CRTC2: variants seen among roughly 807,000 people sequenced by gnomAD.
CRTC2 encodes the protein CREB-regulated transcription coactivator 2.
CRTC2 carries 25 observed loss-of-function variants against 70.9 expected under a neutral mutation model. That is an observed-to-expected ratio of 0.35 (90% CI 0.26 to 0.49). The LOEUF (loss-of-function observed/expected upper bound fraction) is 0.49. Ranked by LOEUF, CRTC2 falls within the 20% of genes least tolerant of loss-of-function variation. CRTC2 has a pLI of 0.98. For synonymous variants in CRTC2, 330 were observed against 364.1 expected (o/e 0.91, Z 1.07); for missense variants, 737 against 882.6 (o/e 0.83, Z 2.09).
Position 153,958,586 on chromosome 1 carries a change from C to G in CRTC2, c.-89G>C. The G allele has an allele frequency of 7.5e-7, 1 of 1,342,056 alleles. No individual in the cohort carries two copies. The highest frequency in any genetic ancestry group is 1.0e-6 in the Non-Finnish European group (1 of 1,001,362). The allele number at this position is 1,342,056 out of a possible 1,614,324, so 83.1% of individuals were successfully genotyped here. Reference sequence around the variant, plus strand: ...GCCCGGCTCCTCCAGCCGTAGCCACCGCCGCCTCAGCGAGCACCGCGAACC... The same window carrying G: ...GCCCGGCTCCTCCAGCCGTAGCCACGGCCGCCTCAGCGAGCACCGCGAACC... On this transcript the variant is annotated 5_prime_UTR_variant, in exon 1 of 14. Transcript: ENST00000368633.
intron 11 of CRTC2, 107 bp from the exon 12 acceptor site, chr1:153,949,491 T>C: frequency 8.1e-7 from 1 of 1,228,398 alleles, no homozygotes. Flanking sequence ...AAAACAAACA[T>C]GACAACATTC....
chr1:153,952,666 T>C (rs1188862403), intron 7 of CRTC2, 31 bp from the exon 8 acceptor site: 2 of 1,613,226 alleles, frequency 1.2e-6, no homozygotes, highest in Non-Finnish European at 8.5e-7. Flanking sequence ...GATGGGAGAG[T>C]TGGAGAAAGA....
intron 11 of CRTC2, among the ~76,000 whole-genome samples, chr1:153,950,540 G>A (rs1680265702): frequency 6.6e-6 from 1 of 152,156 alleles, no homozygotes; most frequent in Non-Finnish European, 1.5e-5. Flanking sequence ...AAGAAAAGAG[G>A]AGTAGAGATA....
rs780422270 is a variant in CRTC2, at chr1:153,954,930, T to C, written c.315A>G (p.Glu105=). The change falls in exon 3 of 14, where the codon GAA becomes GAG. Residue 105 remains glutamate (E), a synonymous_variant. Transcript: ENST00000368633. ...SRSTRHHGLV[E]RVQRDPRRMV... Reference sequence around the variant, plus strand: ...TTCTTCGAGGATCTCGCTGCACCCGTTCCACCAGCCCATGGTGCCGAGTGC... The same window carrying C: ...TTCTTCGAGGATCTCGCTGCACCCGCTCCACCAGCCCATGGTGCCGAGTGC... 5 of 1,614,086 alleles carry C rather than the reference T, an allele frequency of 3.1e-6. No homozygotes were observed. The highest frequency in any genetic ancestry group is 2.2e-5 in the South Asian group (2 of 91,078).
chr1:153,953,606 C>G lies in CRTC2; in HGVS notation c.435G>C (p.Arg145Ser), dbSNP rs768210472. 6.2e-7 allele frequency: 1 copy of G among 1,606,490 alleles called. No homozygotes were observed. Among genetic ancestry groups the G allele is most frequent in the Non-Finnish European group, 8.5e-7 (1 of 1,177,194 alleles). The change falls in exon 5 of 14, where the codon AGG becomes AGC. Residue 145 changes from arginine (R) to serine (S), a missense_variant and splice_region_variant. Coordinates refer to ENST00000368633, the MANE Select transcript of CRTC2 (RefSeq NM_181715.3). The part of the protein sequence containing the change: ...LSPPPESSWR[R>S]TMAWGNFPAE... ...CAGGGAAATTGCCCCAGGCCATCGT[C>G]CTGGGGTAGAAAAACAAAGTCATGA...
At position 153,954,266 on chromosome 1, in the gene CRTC2, A is replaced by G. The variant is rs767877855; in HGVS notation, c.423T>C (p.Ser141=). The G allele has an allele frequency of 1.2e-6, 2 of 1,612,174 alleles. No individual in the cohort carries two copies. Among genetic ancestry groups the G allele is most frequent in the African/African-American group, 2.7e-5 (2 of 74,894 alleles). ...SPAYLSPPPE[S]SWRRTMAWGN... ...CCCTGGACACTTACCTTCGCCAGCT[A>G]GACTCTGGGGGAGGAGATAAGTAGG... The change falls in exon 4 of 14, where the codon TCT becomes TCC. Residue 141 remains serine, a synonymous_variant. Transcript: ENST00000368633.
Position 153,954,985 on chromosome 1 carries a change from G to A in CRTC2, c.260C>T (p.Pro87Leu), listed in dbSNP as rs745595874. ...IGSGLAEFQS[P>L]LHSPLDSSRS... Reference sequence around the variant, plus strand: ...AGATGAATCCAAAGGTGAGTGGAGGGGGCTCTGCCAAAAAGGACAGAAGTC... The same window carrying A: ...AGATGAATCCAAAGGTGAGTGGAGGAGGCTCTGCCAAAAAGGACAGAAGTC... Residue 87 changes from proline (P) to leucine (L), a missense_variant, in exon 3 of 14, where the codon CCC becomes CTC. By Grantham distance (98) the Pro-to-Leu change is moderately conservative. Around this residue, in one of 3 missense-constraint regions of CRTC2, gnomAD observed 699 missense variants for 823.7 expected, o/e 0.85. Coordinates refer to ENST00000368633, the MANE Select transcript of CRTC2 (RefSeq NM_181715.3). The A allele has an allele frequency of 8.2e-5, 132 of 1,613,466 alleles. No homozygotes were observed. Among genetic ancestry groups the A allele is most frequent in the Non-Finnish European group, 1.1e-4 (131 of 1,179,540 alleles).
At chr1:153,952,514 C>T (rs1680385511) in intron 8 of CRTC2, 57 bp downstream of exon 8, 4 of 1,612,582 alleles carry the variant, frequency 2.5e-6, no homozygotes, top group Admixed American at 1.7e-5. Flanking sequence ...AAGGCCTGCC[C>T]CATGGCAAGG....
At chr1:153,949,722 G>A (rs1220834749) in intron 11 of CRTC2, among the ~76,000 whole-genome samples, 2 of 152,092 alleles carry the variant, frequency 1.3e-5, no homozygotes, top group Admixed American at 6.5e-5. Flanking sequence ...GGTAGCAGGC[G>A]TCTGTAGTCC....
chr1:153,953,694 G>C (rs1235287074), intron 4 of CRTC2, 88 bp from the exon 5 acceptor site: 2 of 852,090 alleles, frequency 2.3e-6, no homozygotes, highest in Non-Finnish European at 3.7e-6. Context: ...GGGCAGCTAA[G>C]GTGGAAGTAA....
In CRTC2 at chr1:153,951,569, G is replaced by T; in HGVS notation, c.1095C>A (p.Gly365=). ...SLSSPQPQLQ[G]SHSHPSLPAS... The stretch of plus-strand genomic sequence containing the variant: ...CAGGCAGAGAGGGGTGGCTGTGGGA[G>T]CCCTGAAGCTGGGGCTGAGGACTGC... The change falls in exon 11 of 14, where the codon GGC becomes GGA. Residue 365 remains glycine, a synonymous_variant. Coordinates refer to ENST00000368633, the MANE Select transcript of CRTC2 (RefSeq NM_181715.3). 1.9e-6 allele frequency: 3 copies of T among 1,612,190 alleles called. No individual in the cohort carries two copies. In the South Asian group the frequency reaches 3.3e-5, roughly 18 times the overall value.
rs1431166595 is a variant in CRTC2, at chr1:153,952,005, G to C, written c.997+13C>G. ...CAGCACCCAGTGGGCACATGGCCAG[G>C]ACAGTCACTCACCTGGTGCATCATA... On this transcript the variant is annotated intron_variant, in intron 10 of 13. Transcript: ENST00000368633. 1.2e-6 allele frequency: 2 copies of C among 1,610,070 alleles called. No homozygotes were observed. Among genetic ancestry groups the C allele is most frequent in the Non-Finnish European group, 1.7e-6 (2 of 1,178,416 alleles).
intron 11 of CRTC2, 84 bp from the exon 12 acceptor site, chr1:153,949,468 TACA>T (rs886109219): frequency 3.6e-6 from 5 of 1,406,156 alleles, no homozygotes; most frequent in Non-Finnish European, 4.8e-6. Flanking sequence ...CTTCTTTAGC[TACA>T]ACCATTCCCA....
At chr1:153,955,363 C>A (rs1680566121) in intron 1 of CRTC2, among the ~76,000 whole-genome samples, 197 bp from the exon 2 acceptor site, 1 of 151,936 alleles carries the variant, frequency 6.6e-6, no homozygotes, top group African/African-American at 2.4e-5. Flanking sequence ...GTCAGGAGAT[C>A]GACACCATCC....
rs753667553 is a variant in CRTC2 at position 153,952,461 on chromosome 1, G to T, written c.703-15C>A. The stretch of plus-strand genomic sequence containing the variant: ...GATGAGGATAGCTGAGGAGAGAAGG[G>T]AGAATATGGAAAATGAGGACAGTGC... On this transcript the variant is annotated splice_polypyrimidine_tract_variant and intron_variant, in intron 8 of 13. Coordinates refer to ENST00000368633, the MANE Select transcript of CRTC2 (RefSeq NM_181715.3). 3.1e-6 allele frequency: 5 copies of T among 1,613,974 alleles called. No individual in the cohort carries two copies. The highest frequency in any genetic ancestry group is 3.3e-5 in the Admixed American group (2 of 60,012).
rs1355402858 is a variant in CRTC2 at position 153,951,639 on chromosome 1, G to A, written c.1025C>T (p.Ser342Phe). The A allele has an allele frequency of 1.5e-5, 24 of 1,613,650 alleles. No individual in the cohort carries two copies. Among genetic ancestry groups the A allele is most frequent in the Non-Finnish European group, 2.0e-5 (24 of 1,179,802 alleles). Reference protein sequence around the residue: ...PGLHSPLSHPSLQSSLSNPNL... With the variant: ...PGLHSPLSHPFLQSSLSNPNL... The stretch of plus-strand genomic sequence containing the variant: ...GGGATTGCTTAGGGAGGACTGCAGG[G>A]ATGGGTGGCTGAGAGGTGAATGAAG... The change falls in exon 11 of 14, where the codon TCC (serine) becomes TTC (phenylalanine). Residue 342 changes from serine to phenylalanine, a missense_variant. This residue lies in a region of CRTC2 where 699 missense variants were observed against 823.7 expected (regional missense o/e 0.85). Coordinates refer to ENST00000368633, the MANE Select transcript of CRTC2 (RefSeq NM_181715.3).
chr1:153,957,829 G>A (rs559974657), intron 1 of CRTC2, among the ~76,000 whole-genome samples: 5 of 152,174 alleles, frequency 3.3e-5, no homozygotes, highest in Admixed American at 6.5e-5. Flanking sequence ...GGACGCAGGA[G>A]GGGACTTCCT....
rs1478449477 is a variant in CRTC2, at chr1:153,952,031, G to A, written c.984C>T (p.Gly328=). The change falls in exon 10 of 14, where the codon GGC becomes GGT. Residue 328 remains glycine (G), a synonymous_variant. Coordinates refer to ENST00000368633, the MANE Select transcript of CRTC2 (RefSeq NM_181715.3). ...GISRGMGLGP[G]YDAPGLHSPL... is the part of the protein sequence containing the mutation. The stretch of plus-strand genomic sequence containing the variant: ...ACAGTCACTCACCTGGTGCATCATA[G>A]CCTGGGCCCAGGCCCATGCCCCTGC... The A allele has an allele frequency of 6.2e-7, 1 of 1,613,514 alleles. No individual in the cohort carries two copies. Among genetic ancestry groups the A allele is most frequent in the Non-Finnish European group, 8.5e-7 (1 of 1,179,908 alleles).
chr1:153,953,098 G>C (rs1022588030), intron 6 of CRTC2, 168 bp downstream of exon 6: 2 of 584,882 alleles, frequency 3.4e-6, no homozygotes, highest in Non-Finnish European at 6.0e-6. Context: ...CAGGAGAATC[G>C]CTTGAACTCG....
Sources: allele counts gnomAD v4.1 joint callset (sites outside exome capture counted in the v4.1 genomes callset), GRCh38; gene constraint gnomAD v4.1.1; regional missense constraint gnomAD v4.1.1; transcripts MANE v1.5; gene names NCBI Gene and HGNC (gene_info 2026-07-23, HGNC 2026-07-21).